BMPR2: variants seen among roughly 807,000 people sequenced by gnomAD.
The protein encoded by BMPR2 is bone morphogenetic protein receptor type 2.
BMPR2 carries 29 observed loss-of-function variants against 100.8 expected under a neutral mutation model. That is an observed-to-expected ratio of 0.29 (90% confidence interval 0.21 to 0.39). The LOEUF is 0.39. Ranked by LOEUF, BMPR2 falls within the 10% of genes least tolerant of loss-of-function variation. BMPR2 has a pLI of 1.00. For synonymous variants in BMPR2, 382 were observed against 442.3 expected, an observed-to-expected ratio of 0.86 and a Z score of 1.71; for missense variants, 1,011 against 1,274.5, an observed-to-expected ratio of 0.79 and a Z score of 3.15.
intron 6 of BMPR2, 21 bp from the exon 7 acceptor site, chr2:202,520,066 C>A: frequency 4.3e-5 from 43 of 995,130 alleles, no homozygotes; most frequent in African/African-American, 7.5e-5. Flanking sequence ...TTTTTTTTTT[C>A]GCATTTTTTC....
chr2:202,486,295 A>G (rs535608770), intron 3 of BMPR2, among the ~76,000 whole-genome samples: 108 of 152,310 alleles, frequency 7.1e-4, no homozygotes, highest in Non-Finnish European at 1.1e-3. Flanking sequence ...TTACCTATCA[A>G]CATGAGTTCT....
At chr2:202,512,054 TA>T (rs1458385051) in intron 3 of BMPR2, among the ~76,000 whole-genome samples, 2 of 151,588 alleles carry the variant, frequency 1.3e-5, no homozygotes, top group Non-Finnish European at 2.9e-5. Context: ...AAAGAAAATA[TA>T]ATAAATGGTC....
At chr2:202,492,944 T>G (rs1431142975) in intron 3 of BMPR2, among the ~76,000 whole-genome samples, 1 of 152,192 alleles carries the variant, frequency 6.6e-6, no homozygotes, top group African/African-American at 2.4e-5. Context: ...TGATTCATAT[T>G]TTGTTGTTCA....
intron 3 of BMPR2, among the ~76,000 whole-genome samples, chr2:202,468,245 AG>A (rs1395455911): frequency 1.3e-5 from 2 of 152,120 alleles, no homozygotes; most frequent in Non-Finnish European, 2.9e-5. Flanking sequence ...AGGAGGCCAG[AG>A]CAGGAGGAGC....
intron 3 of BMPR2, among the ~76,000 whole-genome samples, chr2:202,490,538 A>G (rs1475911361): frequency 6.6e-6 from 1 of 152,250 alleles, no homozygotes. Flanking sequence ...TAAATAAAAA[A>G]TACTTTTCTC....
intron 3 of BMPR2, among the ~76,000 whole-genome samples, chr2:202,500,378 AG>A (rs1687358810): frequency 6.6e-6 from 1 of 152,142 alleles, no homozygotes; most frequent in African/African-American, 2.4e-5. Context: ...GTTATTAGGG[AG>A]GGATATATTA....
At chr2:202,558,132 A>G (rs1338584022) in intron 12 of BMPR2, among the ~76,000 whole-genome samples, 1 of 152,118 alleles carries the variant, frequency 6.6e-6, no homozygotes, top group Non-Finnish European at 1.5e-5. Context: ...TAGCCTGGGC[A>G]ACATAGCAAA....
At chr2:202,378,224 GTTC>G (rs1368527040) in intron 1 of BMPR2, among the ~76,000 whole-genome samples, 1 of 152,168 alleles carries the variant, frequency 6.6e-6, no homozygotes, top group Non-Finnish European at 1.5e-5. Context: ...GACTCCGAAA[GTTC>G]TTTGACATTT....
At chr2:202,378,815 A>G (rs1463049343) in intron 1 of BMPR2, among the ~76,000 whole-genome samples, 1 of 152,172 alleles carries the variant, frequency 6.6e-6, no homozygotes, top group African/African-American at 2.4e-5. Context: ...TTAGCTATTT[A>G]AATTCTCTAG....
chr2:202,409,644 C>G (rs2105916010), intron 1 of BMPR2, among the ~76,000 whole-genome samples: 1 of 152,034 alleles, frequency 6.6e-6, no homozygotes, highest in East Asian at 1.9e-4. Context: ...GGGGAGAACT[C>G]AAAAAGGTAT....
chr2:202,392,662 G>T (rs1228578512), intron 1 of BMPR2, among the ~76,000 whole-genome samples: 2 of 152,198 alleles, frequency 1.3e-5, no homozygotes, highest in Non-Finnish European at 2.9e-5. Context: ...AAATGTCTAA[G>T]AGCTGTAGTT....
At position 202,495,668 on chromosome 2, in the gene BMPR2, C is replaced by T. The variant is rs1693010548; in HGVS notation, c.419-18051C>T. ...AGTCAGGGACGCACCTTTCTCTACC[C>T]ATTACTTACCTCCCCACTTCCGTGT... On this transcript the variant is annotated intron_variant, in intron 3 of 12. Coordinates refer to ENST00000374580, the MANE Select transcript of BMPR2 (RefSeq NM_001204.7). The surrounding 1 kb of genome is among the most constrained non-coding windows in gnomAD (Gnocchi z 4.5). 6.6e-6 allele frequency among the ~76,000 whole-genome samples: 1 copy of T among 152,168 alleles called. No homozygotes were observed. The highest frequency in any genetic ancestry group is 1.5e-5 in the Non-Finnish European group (1 of 68,040).
At chr2:202,524,077 T>C (rs1687864896) in intron 7 of BMPR2, among the ~76,000 whole-genome samples, 1 of 151,270 alleles carries the variant, frequency 6.6e-6, no homozygotes, top group South Asian at 2.1e-4. Flanking sequence ...AAACTAACTG[T>C]TGGGGCCGGA....
chr2:202,376,523 C>T lies in BMPR2; in HGVS notation c.-952C>T, dbSNP rs1690146177. ...CTGCGGGAGAACGAGGCGGCGGCGG[C>T]GGCGGCGGCGGCGGCGGCGGCGGCA... is the stretch of plus-strand genomic sequence containing the variant. On this transcript the variant is annotated 5_prime_UTR_variant, in exon 1 of 13. Coordinates refer to ENST00000374580, the MANE Select transcript of BMPR2 (RefSeq NM_001204.7). 7.6e-6 allele frequency among the ~76,000 whole-genome samples: 1 copy of T among 131,624 alleles called. No individual in the cohort carries two copies. Among genetic ancestry groups the T allele is most frequent in the South Asian group, 3.1e-4 (1 of 3,210 alleles). The allele number at this position is 131,624 out of a possible 152,430, so 86.4% of individuals were successfully genotyped here. A position where few individuals can be genotyped will look rare whatever the true frequency, so the allele number is the denominator to read the frequency against.
At chr2:202,386,577 A>G (rs1016152145) in intron 1 of BMPR2, among the ~76,000 whole-genome samples, 1 of 152,002 alleles carries the variant, frequency 6.6e-6, no homozygotes, top group Non-Finnish European at 1.5e-5. Context: ...AAAAGCCACT[A>G]TCTTCTCTTA....
chr2:202,534,244 TTTTATTTATTTA>T (rs202092877), intron 9 of BMPR2, among the ~76,000 whole-genome samples: 12 of 147,878 alleles, frequency 8.1e-5, no homozygotes, highest in Admixed American at 1.3e-4. Flanking sequence ...TAAATAAAAT[TTTTATTTATTTA>T]TTTATTTATT....
intron 10 of BMPR2, 48 bp from the exon 11 acceptor site, chr2:202,552,667 CA>C (rs1335701178): frequency 1.3e-6 from 2 of 1,551,992 alleles, no homozygotes. Context: ...AAGCTCAATA[CA>C]TTTTTTTTTT....
intron 3 of BMPR2, among the ~76,000 whole-genome samples, chr2:202,480,136 T>C (rs1284954106): frequency 6.6e-6 from 1 of 151,068 alleles, no homozygotes. Flanking sequence ...CTTTTTCTTT[T>C]TCTTTTTTTT....
chr2:202,519,249 G>C (rs151169071), intron 6 of BMPR2, among the ~76,000 whole-genome samples, 197 bp downstream of exon 6: 3 of 152,310 alleles, frequency 2.0e-5, no homozygotes, highest in African/African-American at 7.2e-5. Context: ...TGTAATTCCA[G>C]CTACTTGGGA....
Sources: allele counts gnomAD v4.1 joint callset (sites outside exome capture counted in the v4.1 genomes callset), GRCh38; gene constraint gnomAD v4.1.1; non-coding constraint Gnocchi (gnomAD v3.1); transcripts MANE v1.5; gene names NCBI Gene and HGNC (gene_info 2026-07-23, HGNC 2026-07-21).